GRID2: variants seen among roughly 807,000 people sequenced by gnomAD.
GRID2 encodes glutamate receptor ionotropic, delta-2.
A neutral mutation model predicts 114.8 loss-of-function variants in GRID2; 33 were observed. That is an observed-to-expected ratio of 0.29 (90% confidence interval 0.22 to 0.38). The LOEUF (loss-of-function observed/expected upper bound fraction) is 0.38. GRID2 is among the 10% of genes least tolerant of loss of function. GRID2 has a pLI of 1.00. For synonymous variants in GRID2, 505 were observed against 449.9 expected (o/e 1.12, Z -1.55); for missense variants, 1,184 against 1,257.7 (o/e 0.94, Z 0.89).
intron 5 of GRID2, among the ~76,000 whole-genome samples, chr4:93,208,524 T>C (rs998397693): frequency 2.6e-5 from 4 of 151,990 alleles, no homozygotes; most frequent in African/African-American, 9.7e-5. Flanking sequence ...TATTATCTTA[T>C]GGAATACTAA....
At chr4:92,574,506 G>A (rs1727793587) in intron 1 of GRID2, among the ~76,000 whole-genome samples, 1 of 149,470 alleles carries the variant, frequency 6.7e-6, no homozygotes. Flanking sequence ...GTCTGGTGGT[G>A]ACAAATTCCC....
At chr4:92,443,725 G>A (rs562396197) in intron 1 of GRID2, among the ~76,000 whole-genome samples, 1 of 152,148 alleles carries the variant, frequency 6.6e-6, no homozygotes, top group East Asian at 1.9e-4. Context: ...AAGGGGTTGG[G>A]GTACTTGCCC....
rs1348308410 is a variant in GRID2 at position 93,244,514 on chromosome 4, TATTAATTAATAG to T, written c.1245+6029_1245+6040del. On this transcript the variant is annotated intron_variant, in intron 8 of 15. Coordinates refer to ENST00000282020, the MANE Select transcript of GRID2 (RefSeq NM_001510.4). ...CTATTAATTAATAGATTATATAATC[TATTAATTAATAG>T]ATTATATAATCTATTAATTAATAGA... Among the ~76,000 whole-genome samples the T allele has an allele frequency of 8.1e-4, 23 of 28,560 alleles. 1 individual carries two copies. The highest frequency in any genetic ancestry group is 1.8e-3 in the Non-Finnish European group (20 of 10,894). 18.7% of individuals were successfully genotyped at this position (28,560 alleles called of 152,430 possible). A position where few individuals can be genotyped will look rare whatever the true frequency, so the allele number is the denominator to read the frequency against.
chr4:93,094,785 A>G (rs1415843307), intron 3 of GRID2, among the ~76,000 whole-genome samples: 1 of 152,034 alleles, frequency 6.6e-6, no homozygotes, highest in Non-Finnish European at 1.5e-5. Context: ...GGGAAAACAA[A>G]GATAAATGTG....
intron 1 of GRID2, among the ~76,000 whole-genome samples, chr4:92,533,710 T>A (rs1369339442): frequency 6.6e-6 from 1 of 152,102 alleles, no homozygotes; most frequent in East Asian, 1.9e-4. Context: ...TATTAAACAA[T>A]ATGGTAGTGT....
rs140292028 is a variant in GRID2 at position 93,110,483 on chromosome 4, A to T, written c.530-265A>T. On this transcript the variant is annotated intron_variant, in intron 3 of 15. Transcript: ENST00000282020. ...AACCATCTCCGTGCACCCTCACCCA[A>T]CATTTCTAGGATTGACATCATTTAG... Among the ~76,000 whole-genome samples, 16 of 152,252 alleles carry T rather than the reference A, an allele frequency of 1.1e-4. No individual in the cohort carries two copies. In the East Asian group the frequency reaches 3.1e-3, roughly 29 times the overall value.
intron 13 of GRID2, among the ~76,000 whole-genome samples, chr4:93,613,847 G>C (rs1456104783): frequency 6.6e-6 from 1 of 151,830 alleles, no homozygotes; most frequent in African/African-American, 2.4e-5. Flanking sequence ...CACCCAGTTC[G>C]AGCTTCCAGG....
chr4:92,905,884 A>G (rs1160624016), intron 2 of GRID2, among the ~76,000 whole-genome samples: 1 of 152,146 alleles, frequency 6.6e-6, no homozygotes, highest in Non-Finnish European at 1.5e-5. Flanking sequence ...ATGAATTTCT[A>G]ATTAATTTAT....
At chr4:93,158,633 A>G (rs974028990) in intron 4 of GRID2, among the ~76,000 whole-genome samples, 1 of 151,834 alleles carries the variant, frequency 6.6e-6, no homozygotes, top group Non-Finnish European at 1.5e-5. Flanking sequence ...CCACACACAC[A>G]CACAAATACC....
chr4:93,531,778 A>C (rs1731470223), intron 13 of GRID2, among the ~76,000 whole-genome samples: 1 of 152,060 alleles, frequency 6.6e-6, no homozygotes, highest in Non-Finnish European at 1.5e-5. Context: ...TGCATATTTT[A>C]TTTCTGCATA....
chr4:92,957,604 T>C (rs1234598912), intron 2 of GRID2, among the ~76,000 whole-genome samples: 1 of 152,064 alleles, frequency 6.6e-6, no homozygotes, highest in Non-Finnish European at 1.5e-5. Context: ...ATTTTTTTTT[T>C]CTTCAACTTT....
chr4:92,875,179 C>G (rs1374563385), intron 2 of GRID2, among the ~76,000 whole-genome samples: 1 of 124,118 alleles, frequency 8.1e-6, no homozygotes, highest in East Asian at 2.3e-4. Context: ...TTTTTTTTCC[C>G]GAGACGGAGT....
intron 2 of GRID2, among the ~76,000 whole-genome samples, chr4:92,845,083 T>A (rs571015476): frequency 8.3e-4 from 127 of 152,190 alleles, no homozygotes; most frequent in African/African-American, 3.0e-3. Context: ...AGGAGGATAA[T>A]AATATCTCAG....
At chr4:92,638,704 G>A (rs116238745) in intron 2 of GRID2, among the ~76,000 whole-genome samples, 7,056 of 150,158 alleles carry the variant, frequency 0.047, 209 homozygotes, top group East Asian at 0.093. Context: ...GAGAACTCTT[G>A]TAAATAAAAG....
chr4:93,379,600 C>T (rs1365165953), intron 8 of GRID2, among the ~76,000 whole-genome samples: 1 of 152,090 alleles, frequency 6.6e-6, no homozygotes, highest in Non-Finnish European at 1.5e-5. Flanking sequence ...CTAATTACAA[C>T]ATATTGCGCA....
chr4:92,887,171 G>T lies in GRID2; in HGVS notation c.245-197824G>T, dbSNP rs550359518. Among the ~76,000 whole-genome samples the T allele has an allele frequency of 1.3e-3, 192 of 151,380 alleles. 1 individual carries two copies. Among genetic ancestry groups the T allele is most frequent in the Admixed American group, 0.012 (181 of 15,222 alleles). On this transcript the variant is annotated intron_variant, in intron 2 of 15. Coordinates refer to ENST00000282020, the MANE Select transcript of GRID2 (RefSeq NM_001510.4). ...CCTTGTGCTATTTCCCATCCTGGAG[G>T]TCTACACTCTCCTGAGAGATGGTAA... is the stretch of plus-strand genomic sequence containing the variant.
chr4:92,630,572 C>A, intron 2 of GRID2, among the ~76,000 whole-genome samples: 1 of 152,220 alleles, frequency 6.6e-6, no homozygotes, highest in Admixed American at 6.5e-5. Flanking sequence ...ATGCTTAATG[C>A]AGGAACTATT....
intron 2 of GRID2, among the ~76,000 whole-genome samples, chr4:92,766,534 C>T (rs377504002): frequency 2.2e-4 from 16 of 72,438 alleles, no homozygotes; most frequent in African/African-American, 1.3e-3. Flanking sequence ...AAGACTCCTT[C>T]TCAAAAAAAA....
rs145139722 is a variant in GRID2, at chr4:93,467,018, T to C, written c.1858+11044T>C. Among the ~76,000 whole-genome samples the C allele has an allele frequency of 4.2e-3, 642 of 152,298 alleles. 8 individuals carry two copies. Among genetic ancestry groups the C allele is most frequent in the African/African-American group, 0.015 (613 of 41,570 alleles). The stretch of plus-strand genomic sequence containing the variant: ...TAACATGTAAGAAAGATATAAAGAA[T>C]CTTGCTAAGTATCTATTCCCACTAT... On this transcript the variant is annotated intron_variant, in intron 11 of 15. Coordinates refer to ENST00000282020, the MANE Select transcript of GRID2 (RefSeq NM_001510.4).
Sources: gnomAD v4.1 joint callset for allele counts (sites outside exome capture counted in the v4.1 genomes callset) on GRCh38, gnomAD v4.1.1 for gene constraint, MANE v1.5 for transcripts, NCBI Gene and HGNC (gene_info 2026-07-23, HGNC 2026-07-21) for gene names.